The following MAP3K3 variants were observed in gnomAD, a reference collection of about 807,000 sequenced individuals.
The protein encoded by MAP3K3 is MAP/ERK kinase kinase 3.
A neutral mutation model predicts 80.9 loss-of-function variants in MAP3K3; 12 were observed. That is an observed-to-expected ratio of 0.15 (90% CI 0.10 to 0.24). The LOEUF (loss-of-function observed/expected upper bound fraction) is 0.24, where lower values mean the gene tolerates loss of function less well. MAP3K3 is among the 10% of genes least tolerant of loss of function. The pLI, the probability that MAP3K3 is intolerant of heterozygous loss-of-function variation, is 1.00. For synonymous variants in MAP3K3, 272 were observed against 307.1 expected (o/e 0.89, Z 1.19); for missense variants, 596 against 834.7 (o/e 0.71, Z 3.52).
chr17:63,677,857 G>A (rs923761815), intron 6 of MAP3K3, among the ~76,000 whole-genome samples: 3 of 152,160 alleles, frequency 2.0e-5, no homozygotes, highest in Admixed American at 6.5e-5. Context: ...AAGATACATG[G>A]CACTGTGCTT....
In MAP3K3 at chr17:63,685,571, T is replaced by C. The variant is rs2035431293; in HGVS notation, c.691T>C (p.Leu231=). The C allele has an allele frequency of 6.2e-7, 1 of 1,614,118 alleles. No homozygotes were observed. Among genetic ancestry groups the C allele is most frequent in the Admixed American group, 1.7e-5 (1 of 60,014 alleles). Residue 231 remains leucine, a synonymous_variant, in exon 8 of 16, where the codon TTG becomes CTG. Coordinates refer to ENST00000361733, the MANE Select transcript of MAP3K3 (RefSeq NM_002401.5). ...TTCCTTGTCTGGAAGCTGCCAATCC[T>C]TGGACAGGTCAGCAGACAGGTATGG... The part of the protein sequence containing the change: ...ENSLSGSCQS[L]DRSADSPSFR...
At position 63,689,760 on chromosome 17, in the gene MAP3K3, G is replaced by A; in HGVS notation, c.1063+25G>A. ...TGTGAGGAGCTGTCCCTGGCTAGGA[G>A]GAGACTGCCCAGGTGGTCTCAGACA... On this transcript the variant is annotated intron_variant, in intron 11 of 15. Transcript: ENST00000361733. This position sits in a 1 kb window ranked among gnomAD's most constrained non-coding sequence, Gnocchi z 4.3. 1 of 1,592,144 alleles carries A rather than the reference G, an allele frequency of 6.3e-7. No individual in the cohort carries two copies. The highest frequency in any genetic ancestry group is 8.6e-7 in the Non-Finnish European group (1 of 1,166,240).
In MAP3K3 at chr17:63,692,334, G is replaced by T. The variant is rs771075974; in HGVS notation, c.1567G>T (p.Gly523Cys). 4.3e-6 allele frequency: 7 copies of T among 1,613,960 alleles called. No individual in the cohort carries two copies. In the South Asian group the frequency reaches 7.7e-5, roughly 18 times the overall value. Residue 523 changes from glycine (G) to cysteine (C), a missense_variant, in exon 15 of 16, where the codon GGC (glycine) becomes TGC (cysteine). This residue lies in a region of MAP3K3 where 364 missense variants were observed against 588.9 expected (regional missense o/e 0.62). Coordinates refer to ENST00000361733, the MANE Select transcript of MAP3K3 (RefSeq NM_002401.5). This position sits in a 1 kb window ranked among gnomAD's most constrained non-coding sequence, Gnocchi z 4.5. ...GCAGACGATCTGTATGTCGGGGACG[G>T]GCATGCGCTCCGTCACTGGCACACC... ...RLQTICMSGTGMRSVTGTPYW... is the reference protein window; with the variant it reads ...RLQTICMSGTCMRSVTGTPYW...
chr17:63,657,215 G>A (rs2034789028), intron 4 of MAP3K3, among the ~76,000 whole-genome samples: 1 of 151,866 alleles, frequency 6.6e-6, no homozygotes, highest in African/African-American at 2.4e-5. Flanking sequence ...AAGAATATGG[G>A]GGCTGTAACT....
Position 63,691,366 on chromosome 17 carries a change from T to G in MAP3K3, c.1344+133T>G. 7.8e-7 allele frequency: 1 copy of G among 1,283,448 alleles called. No homozygotes were observed. The highest frequency in any genetic ancestry group is 1.1e-6 in the Non-Finnish European group (1 of 916,516). The allele number at this position is 1,283,448 out of a possible 1,614,324, so 79.5% of individuals were successfully genotyped here. ...GCTCCAGAGGCCCAGAGGAGCAAAG[T>G]GAGGTGATGGTGGGACTTGGAGTCA... On this transcript the variant is annotated intron_variant, in intron 13 of 15. Coordinates refer to ENST00000361733, the MANE Select transcript of MAP3K3 (RefSeq NM_002401.5). This position sits in a 1 kb window ranked among gnomAD's most constrained non-coding sequence, Gnocchi z 4.8.
At position 63,691,658 on chromosome 17, in the gene MAP3K3, C is replaced by A; in HGVS notation, c.1345-75C>A. ...AACAAATCACTCCTTTGCTGCCATGCTGGGGGCTGGAATGGGCTTGCCCCT... is the reference window on the plus strand; with the variant it reads ...AACAAATCACTCCTTTGCTGCCATGATGGGGGCTGGAATGGGCTTGCCCCT... On this transcript the variant is annotated intron_variant, in intron 13 of 15. Transcript: ENST00000361733. This position sits in a 1 kb window ranked among gnomAD's most constrained non-coding sequence, Gnocchi z 4.8. 1 of 1,561,990 alleles carries A rather than the reference C, an allele frequency of 6.4e-7. No individual in the cohort carries two copies. Among genetic ancestry groups the A allele is most frequent in the South Asian group, 1.2e-5 (1 of 85,498 alleles).
chr17:63,645,363 A>G (rs925724772), intron 2 of MAP3K3, among the ~76,000 whole-genome samples: 1 of 152,176 alleles, frequency 6.6e-6, no homozygotes, highest in Admixed American at 6.5e-5. Context: ...CAGGCTACTC[A>G]TGATGGTCAT....
At chr17:63,636,537 C>T (rs938133174) in intron 2 of MAP3K3, 3 of 155,424 alleles carry the variant, frequency 1.9e-5, no homozygotes, top group African/African-American at 7.2e-5. Flanking sequence ...AGTGAGTTAT[C>T]AATGGGTGTT....
intron 2 of MAP3K3, among the ~76,000 whole-genome samples, chr17:63,633,553 C>T (rs2034261098): frequency 2.0e-5 from 3 of 152,134 alleles, no homozygotes; most frequent in African/African-American, 7.2e-5. Context: ...TTACTGTTTA[C>T]AGTTATTTTA....
chr17:63,663,994 G>A (rs550272143), intron 5 of MAP3K3, among the ~76,000 whole-genome samples: 38 of 152,014 alleles, frequency 2.5e-4, no homozygotes, highest in Non-Finnish European at 4.7e-4. Flanking sequence ...TGTAATCCCA[G>A]CACTTTGGGA....
intron 6 of MAP3K3, among the ~76,000 whole-genome samples, chr17:63,672,224 A>C (rs1433295954): frequency 6.7e-6 from 1 of 150,322 alleles, no homozygotes; most frequent in Non-Finnish European, 1.5e-5. Flanking sequence ...CGGAGGTTGC[A>C]GTGAGCCGAG....
intron 3 of MAP3K3, among the ~76,000 whole-genome samples, chr17:63,649,954 C>G (rs2034617010): frequency 6.6e-6 from 1 of 152,204 alleles, no homozygotes; most frequent in Admixed American, 6.5e-5. Context: ...ACTTCCCACT[C>G]TGGGGGAGCA....
chr17:63,625,416 ATTGT>A (rs1470602256), intron 1 of MAP3K3, among the ~76,000 whole-genome samples: 1 of 152,126 alleles, frequency 6.6e-6, no homozygotes, highest in East Asian at 1.9e-4. Context: ...AATACCTGAG[ATTGT>A]TTATGTGGTC....
rs539309242 is a variant in MAP3K3, at chr17:63,661,985, C to T, written c.381+4078C>T. On this transcript the variant is annotated intron_variant, in intron 5 of 15. Coordinates refer to ENST00000361733, the MANE Select transcript of MAP3K3 (RefSeq NM_002401.5). ...GGGCGTGGTGGCAGGTGCCTGTAGT[C>T]CCAGCTACTCGGGAGGCTGAGGCAG... 2.7e-3 allele frequency among the ~76,000 whole-genome samples: 414 copies of T among 152,204 alleles called. 3 individuals carry two copies. Among genetic ancestry groups the T allele is most frequent in the South Asian group, 4.6e-3 (22 of 4,826 alleles).
Position 63,670,337 on chromosome 17 carries a change from C to T in MAP3K3, c.502+3277C>T, listed in dbSNP as rs551190340. ...GTGGCTCACGCCTGTAACCCCAGCA[C>T]TTGGTGAGGCCGAGGTGAGTGGATT... is the stretch of plus-strand genomic sequence containing the variant. On this transcript the variant is annotated intron_variant, in intron 6 of 15. Transcript: ENST00000361733. Among the ~76,000 whole-genome samples, 457 of 152,088 alleles carry T rather than the reference C, an allele frequency of 3.0e-3. 1 individual carries two copies. The highest frequency in any genetic ancestry group is 5.2e-3 in the Non-Finnish European group (351 of 67,990).
Position 63,691,717 on chromosome 17 carries a change from T to A in MAP3K3, c.1345-16T>A, listed in dbSNP as rs187003274. The A allele has an allele frequency of 1.1e-5, 17 of 1,611,374 alleles. No homozygotes were observed. The Admixed American group carries it at 2.7e-4, about 25-fold the overall frequency. The stretch of plus-strand genomic sequence containing the variant: ...CCTCCCCTGAGGGGACTCCTCTGAC[T>A]TCTTGTGGCCTCCAGGGCTCGGTGA... On this transcript the variant is annotated splice_polypyrimidine_tract_variant and intron_variant, in intron 13 of 15. Transcript: ENST00000361733. The surrounding 1 kb of genome is among the most constrained non-coding windows in gnomAD (Gnocchi z 4.8).
At chr17:63,641,207 A>T (rs2034434919) in intron 2 of MAP3K3, among the ~76,000 whole-genome samples, 1 of 151,792 alleles carries the variant, frequency 6.6e-6, no homozygotes, top group Admixed American at 6.6e-5. Context: ...GAGGAAACTA[A>T]GTTATAGGTT....
chr17:63,646,552 C>T (rs2034544788), intron 3 of MAP3K3, among the ~76,000 whole-genome samples: 1 of 152,168 alleles, frequency 6.6e-6, no homozygotes, highest in South Asian at 2.1e-4. Context: ...TGGGAAGCTG[C>T]ACCAAGTCCA....
chr17:63,683,774 A>C (rs377279069), intron 7 of MAP3K3, among the ~76,000 whole-genome samples: 33 of 152,322 alleles, frequency 2.2e-4, no homozygotes, highest in African/African-American at 7.9e-4. Context: ...TTCTTTAATC[A>C]GGTTTAAGCA....
Sources: allele counts gnomAD v4.1 joint callset (sites outside exome capture counted in the v4.1 genomes callset), GRCh38; gene constraint gnomAD v4.1.1; regional missense constraint gnomAD v4.1.1; non-coding constraint Gnocchi (gnomAD v3.1); transcripts MANE v1.5; gene names NCBI Gene and HGNC (gene_info 2026-07-23, HGNC 2026-07-21).